The following UNC5C variants were observed in gnomAD, a reference collection of about 807,000 sequenced individuals.
The protein encoded by UNC5C is unc-5 netrin receptor C.
Under a neutral mutation model 99.8 loss-of-function variants are expected in UNC5C, and 47 were observed. That is an observed-to-expected ratio of 0.47 (90% confidence interval 0.37 to 0.60). The LOEUF (loss-of-function observed/expected upper bound fraction) is 0.60, where lower values mean the gene tolerates loss of function less well. UNC5C is among the 20% of genes least tolerant of loss of function. The pLI, the probability that UNC5C is intolerant of heterozygous loss-of-function variation, is 0.00. For missense variants in UNC5C, 1,062 were observed against 1,165.9 expected (o/e 0.91, Z 1.30); for synonymous variants, 487 against 452.2 (o/e 1.08, Z -0.98).
At chr4:95,265,157 C>G (rs763699175) in intron 4 of UNC5C, among the ~76,000 whole-genome samples, 3 of 152,172 alleles carry the variant, frequency 2.0e-5, no homozygotes, top group Non-Finnish European at 4.4e-5. Context: ...GAGATATGCA[C>G]TGGTTGAGTG....
intron 1 of UNC5C, among the ~76,000 whole-genome samples, chr4:95,521,237 G>A: frequency 7.4e-6 from 1 of 135,826 alleles, no homozygotes; most frequent in South Asian, 2.4e-4. Context: ...TTTTTTTTGA[G>A]GTGGAGTTTC....
At chr4:95,221,186 T>A (rs1172429704) in intron 7 of UNC5C, among the ~76,000 whole-genome samples, 1 of 152,198 alleles carries the variant, frequency 6.6e-6, no homozygotes, top group Non-Finnish European at 1.5e-5. Flanking sequence ...CATTTTTAAG[T>A]CTCTGTTTTT....
chr4:95,258,280 C>T (rs1459178242), intron 4 of UNC5C, among the ~76,000 whole-genome samples: 1 of 152,138 alleles, frequency 6.6e-6, no homozygotes, highest in Admixed American at 6.5e-5. Context: ...CTGGTCTGGC[C>T]ACTGAATTCT....
At chr4:95,413,933 T>C (rs188281202) in intron 1 of UNC5C, among the ~76,000 whole-genome samples, 165 of 152,276 alleles carry the variant, frequency 1.1e-3, no homozygotes, top group Middle Eastern at 6.8e-3. Flanking sequence ...GGTTGTGTCT[T>C]TACCATCAAA....
intron 1 of UNC5C, among the ~76,000 whole-genome samples, chr4:95,470,986 T>C (rs1747949354): frequency 6.6e-6 from 1 of 151,988 alleles, no homozygotes; most frequent in Admixed American, 6.6e-5. Flanking sequence ...TTTTTTATCC[T>C]TATGAAAGAA....
chr4:95,479,657 G>A (rs944584377), intron 1 of UNC5C, among the ~76,000 whole-genome samples: 5 of 151,842 alleles, frequency 3.3e-5, no homozygotes, highest in African/African-American at 1.2e-4. Context: ...GAATAGCTTA[G>A]TTTATAAGAT....
At chr4:95,184,132 C>T (rs774748539) in intron 13 of UNC5C, among the ~76,000 whole-genome samples, 4 of 152,106 alleles carry the variant, frequency 2.6e-5, no homozygotes, top group African/African-American at 9.7e-5. Context: ...AGTCAGAAGC[C>T]TTCTGTCTCC....
At chr4:95,243,440 T>G (rs1456425461) in intron 6 of UNC5C, among the ~76,000 whole-genome samples, 1 of 152,132 alleles carries the variant, frequency 6.6e-6, no homozygotes, top group African/African-American at 2.4e-5. Flanking sequence ...AAAATGCAGC[T>G]TAAGCTTCTC....
At chr4:95,358,112 A>G (rs72659907) in intron 1 of UNC5C, among the ~76,000 whole-genome samples, 2,028 of 152,258 alleles carry the variant, frequency 0.013, 26 homozygotes, top group Non-Finnish European at 0.019. Context: ...CAAAAAAAAC[A>G]CCACTGCACA....
At chr4:95,378,170 T>C (rs764873263) in intron 1 of UNC5C, among the ~76,000 whole-genome samples, 12 of 152,200 alleles carry the variant, frequency 7.9e-5, no homozygotes, top group Non-Finnish European at 1.6e-4. Flanking sequence ...CCCAAAGGAA[T>C]ACGCTGATGG....
intron 1 of UNC5C, among the ~76,000 whole-genome samples, chr4:95,499,641 G>A (rs1289181280): frequency 6.6e-6 from 1 of 152,054 alleles, no homozygotes; most frequent in Non-Finnish European, 1.5e-5. Flanking sequence ...GGGAGAAAAA[G>A]GGAGGAGCAC....
At chr4:95,286,294 T>A (rs775619046) in intron 3 of UNC5C, among the ~76,000 whole-genome samples, 2 of 152,242 alleles carry the variant, frequency 1.3e-5, no homozygotes, top group Non-Finnish European at 2.9e-5. Context: ...CTGTGCTTGA[T>A]TAAACTGCAG....
intron 1 of UNC5C, among the ~76,000 whole-genome samples, chr4:95,365,377 T>C (rs1360900586): frequency 6.8e-6 from 1 of 147,464 alleles, no homozygotes; most frequent in East Asian, 1.9e-4. Flanking sequence ...TTTAAAAATA[T>C]ATAATACAAA....
intron 7 of UNC5C, among the ~76,000 whole-genome samples, chr4:95,233,186 G>A (rs1449478245): frequency 6.6e-6 from 1 of 152,158 alleles, no homozygotes; most frequent in Non-Finnish European, 1.5e-5. Context: ...ATTAATAGAA[G>A]AGCTGTGTGA....
intron 14 of UNC5C, among the ~76,000 whole-genome samples, chr4:95,175,515 C>T (rs9762798): frequency 0.019 from 2,870 of 151,884 alleles, 78 homozygotes; most frequent in African/African-American, 0.066. Flanking sequence ...CTTAGTTTGG[C>T]TGGATATGAA....
intron 1 of UNC5C, among the ~76,000 whole-genome samples, chr4:95,391,068 G>C (rs1745345080): frequency 6.6e-6 from 1 of 152,104 alleles, no homozygotes; most frequent in African/African-American, 2.4e-5. Context: ...TTATAAATAG[G>C]AGTTCCCCTG....
At chr4:95,513,290 A>C in intron 1 of UNC5C, among the ~76,000 whole-genome samples, 1 of 152,218 alleles carries the variant, frequency 6.6e-6, no homozygotes, top group East Asian at 1.9e-4. Flanking sequence ...TGGGAGCATT[A>C]GTCAGATTAA....
In UNC5C at chr4:95,169,167, G is replaced by GATTC; in HGVS notation, c.*63_*66dup. 1.3e-6 allele frequency: 2 copies of GATTC among 1,588,320 alleles called. No homozygotes were observed. The highest frequency in any genetic ancestry group is 1.7e-6 in the Non-Finnish European group (2 of 1,163,076). ...TCATCTGGATTTCCTCCTCAGCTGT[G>GATTC]ATTCACCTGGACGGCCACAGACTCC... On this transcript the variant is annotated 3_prime_UTR_variant, in exon 16 of 16. Coordinates refer to ENST00000453304, the MANE Select transcript of UNC5C (RefSeq NM_003728.4).
At chr4:95,497,062 C>A (rs1281585166) in intron 1 of UNC5C, among the ~76,000 whole-genome samples, 3 of 151,892 alleles carry the variant, frequency 2.0e-5, no homozygotes, top group Non-Finnish European at 4.4e-5. Context: ...ACCACGTTTT[C>A]TTTATCCACT....
Sources: gnomAD v4.1 joint callset for allele counts (sites outside exome capture counted in the v4.1 genomes callset) on GRCh38, gnomAD v4.1.1 for gene constraint, MANE v1.5 for transcripts, NCBI Gene and HGNC (gene_info 2026-07-23, HGNC 2026-07-21) for gene names.